GLYATL3: variants seen among roughly 807,000 people sequenced by gnomAD.
The protein encoded by GLYATL3 is glycine N-acyltransferase-like protein 3.
GLYATL3 carries 31 observed loss-of-function variants against 28.5 expected under a neutral mutation model. The observed-to-expected ratio is 1.09, with a 90% CI of 0.82 to 1.47. The LOEUF (loss-of-function observed/expected upper bound fraction) is 1.47, where lower values mean the gene tolerates loss of function less well. Ranked by LOEUF, GLYATL3 falls within the 40% of genes most tolerant of loss-of-function variation. The pLI, the probability that GLYATL3 is intolerant of heterozygous loss-of-function variation, is 0.00. For synonymous variants in GLYATL3, 141 were observed against 140.2 expected, an observed-to-expected ratio of 1.01 and a Z score of -0.04; for missense variants, 369 against 351.5, an observed-to-expected ratio of 1.05 and a Z score of -0.40.
At position 49,526,482 on chromosome 6, in the gene GLYATL3, G is replaced by A. The variant is rs1315999311; in HGVS notation, c.441-6G>A. 1 of 1,549,518 alleles carries A rather than the reference G, an allele frequency of 6.5e-7. No individual in the cohort carries two copies. The highest frequency in any genetic ancestry group is 8.7e-7 in the Non-Finnish European group (1 of 1,145,676). Reference sequence around the variant, plus strand: ...TCCTATTTGTTTTTGTGTCATTCTGGTCTAGCAAGGGGCCTTCCCCACGAC... The same window carrying A: ...TCCTATTTGTTTTTGTGTCATTCTGATCTAGCAAGGGGCCTTCCCCACGAC... On this transcript the variant is annotated splice_region_variant and splice_polypyrimidine_tract_variant and intron_variant, in intron 5 of 5. Transcript: ENST00000371197.
chr6:49,526,235 G>A (rs1464161381), intron 5 of GLYATL3, among the ~76,000 whole-genome samples: 1 of 152,070 alleles, frequency 6.6e-6, no homozygotes, highest in African/African-American at 2.4e-5. Flanking sequence ...CCAACATCGT[G>A]AAATCCCGTC....
chr6:49,525,770 C>T (rs1769399689), intron 5 of GLYATL3, among the ~76,000 whole-genome samples: 1 of 151,986 alleles, frequency 6.6e-6, no homozygotes, highest in Non-Finnish European at 1.5e-5. Flanking sequence ...TGCTCACTTA[C>T]CTGCCTGTGA....
chr6:49,507,615 G>A (rs942093563), intron 1 of GLYATL3, among the ~76,000 whole-genome samples: 3 of 152,172 alleles, frequency 2.0e-5, no homozygotes, highest in Non-Finnish European at 2.9e-5. Flanking sequence ...CTGAAGACCA[G>A]TCGTCATGAA....
intron 2 of GLYATL3, among the ~76,000 whole-genome samples, chr6:49,512,305 T>C: frequency 6.6e-6 from 1 of 150,550 alleles, no homozygotes; most frequent in Non-Finnish European, 1.5e-5. Context: ...TTTTTTAACT[T>C]TAAGTTCTGG....
chr6:49,521,573 A>G, intron 4 of GLYATL3, 72 bp from the exon 5 acceptor site: 1 of 1,335,336 alleles, frequency 7.5e-7, no homozygotes, highest in South Asian at 1.4e-5. Flanking sequence ...GTATAAAATT[A>G]CTGCAACAAA....
In GLYATL3 at chr6:49,527,092, C is replaced by T. The variant is rs926248332; in HGVS notation, c.*178C>T. On this transcript the variant is annotated 3_prime_UTR_variant, in exon 6 of 6. Coordinates refer to ENST00000371197, the MANE Select transcript of GLYATL3 (RefSeq NM_001010904.2). ...TAATTTTTCGTATCTCAGGTTTCTC[C>T]AGTAAATAGCTGTGGGGGTGAAGAG... 1.8e-6 allele frequency: 1 copy of T among 563,580 alleles called. No homozygotes were observed. Among genetic ancestry groups the T allele is most frequent in the Non-Finnish European group, 3.1e-6 (1 of 321,518 alleles). The allele number at this position is 563,580 out of a possible 1,614,324, so 34.9% of individuals were successfully genotyped here.
At chr6:49,524,696 C>A (rs924105503) in intron 5 of GLYATL3, among the ~76,000 whole-genome samples, 3 of 152,004 alleles carry the variant, frequency 2.0e-5, no homozygotes, top group African/African-American at 7.2e-5. Context: ...TTTTAAAGAA[C>A]AAATATGGCC....
At chr6:49,502,835 A>G (rs1406142721) in intron 1 of GLYATL3, among the ~76,000 whole-genome samples, 2 of 152,288 alleles carry the variant, frequency 1.3e-5, no homozygotes, top group East Asian at 3.9e-4. Context: ...TATTAATAAC[A>G]TGGATAGAAG....
At chr6:49,514,790 G>A (rs903485077) in intron 2 of GLYATL3, among the ~76,000 whole-genome samples, 3 of 152,172 alleles carry the variant, frequency 2.0e-5, no homozygotes, top group Non-Finnish European at 2.9e-5. Flanking sequence ...CAGAGATAGC[G>A]CCACTGAACT....
At chr6:49,512,918 A>T (rs1196508385) in intron 2 of GLYATL3, among the ~76,000 whole-genome samples, 1 of 152,200 alleles carries the variant, frequency 6.6e-6, no homozygotes, top group African/African-American at 2.4e-5. Context: ...ATCATGCTTA[A>T]ACTGTATGTG....
In GLYATL3 at chr6:49,526,690, G is replaced by A. The variant is rs1255195864; in HGVS notation, c.643G>A (p.Gly215Ser). 1 of 1,551,782 alleles carries A rather than the reference G, an allele frequency of 6.4e-7. No homozygotes were observed. Among genetic ancestry groups the A allele is most frequent in the East Asian group, 2.4e-5 (1 of 40,896 alleles). The change falls in exon 6 of 6, where the codon GGC (glycine) becomes AGC (serine). Residue 215 changes from glycine to serine, a missense_variant. Coordinates refer to ENST00000371197, the MANE Select transcript of GLYATL3 (RefSeq NM_001010904.2). Reference sequence around the variant, plus strand: ...AGACCAGTTTGCCACCATGTGCCATGGCTACACCCTGCCAGAACATCGCAG... The same window carrying A: ...AGACCAGTTTGCCACCATGTGCCATAGCTACACCCTGCCAGAACATCGCAG... ...ITDQFATMCH[G>S]YTLPEHRRKG...
intron 1 of GLYATL3, among the ~76,000 whole-genome samples, chr6:49,509,796 T>A (rs1769079522): frequency 6.6e-6 from 1 of 152,194 alleles, no homozygotes; most frequent in South Asian, 2.1e-4. Context: ...TTAAGGATGA[T>A]CAATTGTATA....
At position 49,526,982 on chromosome 6, in the gene GLYATL3, G is replaced by T; in HGVS notation, c.*68G>T. On this transcript the variant is annotated 3_prime_UTR_variant, in exon 6 of 6. Coordinates refer to ENST00000371197, the MANE Select transcript of GLYATL3 (RefSeq NM_001010904.2). ...TACACACACTCTTGGCTGCCAACGA[G>T]GGGAGAGTTAAAATGGGAATCAGGG... 8.4e-7 allele frequency: 1 copy of T among 1,184,962 alleles called. No homozygotes were observed. Among genetic ancestry groups the T allele is most frequent in the South Asian group, 1.6e-5 (1 of 62,338 alleles). 73.4% of individuals were successfully genotyped at this position (1,184,962 alleles called of 1,614,324 possible).
chr6:49,508,913 G>A (rs188257536), intron 1 of GLYATL3, among the ~76,000 whole-genome samples: 3 of 152,126 alleles, frequency 2.0e-5, no homozygotes, highest in Admixed American at 6.5e-5. Context: ...GGAGGTGGAG[G>A]TTGCAGTGAG....
intron 2 of GLYATL3, among the ~76,000 whole-genome samples, chr6:49,515,300 G>C (rs1167164870): frequency 6.6e-6 from 1 of 152,124 alleles, no homozygotes; most frequent in Non-Finnish European, 1.5e-5. Flanking sequence ...TGAACCCTAA[G>C]AGCATATGTT....
At chr6:49,512,966 C>T (rs1165121436) in intron 2 of GLYATL3, among the ~76,000 whole-genome samples, 1 of 152,050 alleles carries the variant, frequency 6.6e-6, no homozygotes, top group African/African-American at 2.4e-5. Flanking sequence ...AATCATTTGG[C>T]TAAAAAATAA....
chr6:49,516,805 A>G (rs965529700), intron 3 of GLYATL3, among the ~76,000 whole-genome samples: 3 of 151,940 alleles, frequency 2.0e-5, no homozygotes, highest in Non-Finnish European at 4.4e-5. Context: ...AAAAAATAAA[A>G]AATAATTTTT....
chr6:49,511,723 A>G (rs761747226), intron 1 of GLYATL3, among the ~76,000 whole-genome samples: 1 of 152,226 alleles, frequency 6.6e-6, no homozygotes, highest in African/African-American at 2.4e-5. Flanking sequence ...CAATCAATGT[A>G]TATAATAGAC....
chr6:49,501,817 A>G (rs1186380724), intron 1 of GLYATL3, among the ~76,000 whole-genome samples: 2 of 152,176 alleles, frequency 1.3e-5, no homozygotes, highest in Non-Finnish European at 2.9e-5. Flanking sequence ...TTATAGCCCT[A>G]TCTTATCCAT....
Sources: allele counts gnomAD v4.1 joint callset (sites outside exome capture counted in the v4.1 genomes callset), GRCh38; gene constraint gnomAD v4.1.1; transcripts MANE v1.5; gene names NCBI Gene and HGNC (gene_info 2026-07-23, HGNC 2026-07-21).